Variants in TRPC5 observed in about 807,000 individuals in gnomAD.
The protein encoded by TRPC5 is short transient receptor potential channel 5.
A neutral mutation model predicts 56.5 loss-of-function variants in TRPC5; 9 were observed. The ratio of observed to expected loss-of-function variants is 0.16; its 90% confidence interval spans 0.10 to 0.28. TRPC5 has a LOEUF of 0.28. Among genes scored for constraint, TRPC5 ranks in the 10% least tolerant of loss-of-function variants. The pLI, the probability that TRPC5 is intolerant of heterozygous loss-of-function variation, is 1.00. For synonymous variants in TRPC5, 282 were observed against 278.5 expected, an observed-to-expected ratio of 1.01 and a Z score of -0.13; for missense variants, 469 against 748.9, an observed-to-expected ratio of 0.63 and a Z score of 4.36.
intron 1 of TRPC5, among the ~76,000 whole-genome samples, chrX:112,069,413 G>A (rs1245312132): frequency 9.0e-6 from 1 of 111,607 alleles, no homozygotes; most frequent in African/African-American, 3.3e-5. Context: ...AGCCTCTAAG[G>A]GGAATGCATA....
At chrX:111,953,528 C>A (rs1264922036) in intron 1 of TRPC5, among the ~76,000 whole-genome samples, 1 of 111,812 alleles carries the variant, frequency 8.9e-6, no homozygotes, top group African/African-American at 3.3e-5. Flanking sequence ...GAATGATTAT[C>A]TTCTCCAAGG....
rs185984271 is a variant in TRPC5, at chrX:111,949,982, G to A, written c.378+2061C>T. ...ATCAACAAGTGGATAAAGAAACTGT[G>A]GCATATATATATATATATTTATACA... On this transcript the variant is annotated intron_variant, in intron 2 of 10. Coordinates refer to ENST00000262839, the MANE Select transcript of TRPC5 (RefSeq NM_012471.3). Among the ~76,000 whole-genome samples the A allele has an allele frequency of 1.9e-3, 202 of 108,053 alleles. 1 individual carries two copies. The highest frequency in any genetic ancestry group is 2.0e-3 in the Non-Finnish European group (100 of 51,088). 93.8% of individuals were successfully genotyped at this position (108,053 alleles called of 115,157 possible).
intron 1 of TRPC5, among the ~76,000 whole-genome samples, chrX:112,047,656 A>G (rs1249958763): frequency 8.9e-6 from 1 of 112,337 alleles, no homozygotes; most frequent in African/African-American, 3.2e-5. Context: ...GAATCCTTTC[A>G]TCCTCCAGCA....
chrX:112,018,497 T>C (rs1034055026), intron 1 of TRPC5, among the ~76,000 whole-genome samples: 5 of 112,248 alleles, frequency 4.5e-5, no homozygotes, highest in South Asian at 7.4e-4. Flanking sequence ...TTTACAAATA[T>C]ATTATCTGTA....
intron 3 of TRPC5, among the ~76,000 whole-genome samples, chrX:111,868,437 T>C (rs1038781747): frequency 1.8e-5 from 2 of 112,714 alleles, no homozygotes; most frequent in Non-Finnish European, 3.7e-5. Flanking sequence ...GTCACCTAAC[T>C]GGTTATTTTC....
intron 7 of TRPC5, among the ~76,000 whole-genome samples, chrX:111,811,090 T>G (rs1433811047): frequency 8.9e-6 from 1 of 112,195 alleles, no homozygotes; most frequent in Non-Finnish European, 1.9e-5. Flanking sequence ...GAAGAAGATT[T>G]AAGCCATTTA....
chrX:112,014,004 T>G (rs974624074), intron 1 of TRPC5, among the ~76,000 whole-genome samples: 3 of 111,734 alleles, frequency 2.7e-5, no homozygotes, highest in Non-Finnish European at 5.6e-5. Context: ...CTAAAACCGG[T>G]TCTCAAGCAT....
At chrX:112,075,012 T>C (rs772822871) in intron 1 of TRPC5, among the ~76,000 whole-genome samples, 1 of 112,456 alleles carries the variant, frequency 8.9e-6, no homozygotes, top group African/African-American at 3.2e-5. Flanking sequence ...TACCTACCCA[T>C]CACTACTTCA....
At chrX:111,895,041 T>C (rs1924998558) in intron 3 of TRPC5, among the ~76,000 whole-genome samples, 1 of 111,900 alleles carries the variant, frequency 8.9e-6, no homozygotes, top group African/African-American at 3.2e-5. Flanking sequence ...CGCTCTTTGG[T>C]TATATACTTA....
At chrX:111,998,726 G>A (rs1432952949) in intron 1 of TRPC5, among the ~76,000 whole-genome samples, 1 of 111,473 alleles carries the variant, frequency 9.0e-6, no homozygotes, top group Non-Finnish European at 1.9e-5. Context: ...TAAATATGGG[G>A]TTCCACAGGG....
At chrX:111,782,283 G>A in intron 7 of TRPC5, 145 bp from the exon 8 acceptor site, 2 of 436,986 alleles carry the variant, frequency 4.6e-6, no homozygotes, top group East Asian at 8.1e-5. Context: ...CTGTCACCCA[G>A]TAACCCTACT....
chrX:111,902,869 A>C (rs1406147907), intron 3 of TRPC5: 2 of 112,076 alleles, frequency 1.8e-5, no homozygotes, highest in Non-Finnish European at 3.8e-5. Context: ...CATTGTAGCT[A>C]CTTTGCACTA....
intron 1 of TRPC5, among the ~76,000 whole-genome samples, chrX:112,079,775 T>C (rs775037664): frequency 9.0e-6 from 1 of 111,718 alleles, no homozygotes; most frequent in Non-Finnish European, 1.9e-5. Context: ...CAGGTCTCCA[T>C]GTTGAGATGT....
At chrX:111,986,564 C>T (rs960317126) in intron 1 of TRPC5, among the ~76,000 whole-genome samples, 1 of 110,381 alleles carries the variant, frequency 9.1e-6, no homozygotes, top group African/African-American at 3.3e-5. Flanking sequence ...CAGGGGAGGC[C>T]GTTACACTTT....
intron 2 of TRPC5, among the ~76,000 whole-genome samples, chrX:111,930,336 A>C (rs1460569139): frequency 9.0e-6 from 1 of 111,234 alleles, no homozygotes; most frequent in Non-Finnish European, 1.9e-5. Flanking sequence ...TTGTATTTTA[A>C]GTAGAGATGG....
In TRPC5 at chrX:111,993,754, T is replaced by C. The variant is rs1270308017; in HGVS notation, c.-21-41313A>G. ...GCCCACTTTTTGATGGGGTTGTTTG[T>C]TTTTTTCTGGTAAATTTGTTTGAGT... On this transcript the variant is annotated intron_variant, in intron 1 of 10. Coordinates refer to ENST00000262839, the MANE Select transcript of TRPC5 (RefSeq NM_012471.3). Among the ~76,000 whole-genome samples the C allele has an allele frequency of 3.6e-5, 4 of 112,292 alleles. No homozygotes were observed. The East Asian group carries it at 1.1e-3, about 31-fold the overall frequency.
intron 3 of TRPC5, among the ~76,000 whole-genome samples, chrX:111,873,268 A>G (rs1048658736): frequency 8.9e-6 from 1 of 111,843 alleles, no homozygotes; most frequent in Non-Finnish European, 1.9e-5. Flanking sequence ...CAAATACCAC[A>G]TGTTCTCACT....
At chrX:111,902,559 A>C (rs1390614683) in intron 3 of TRPC5, 1 of 118,451 alleles carries the variant, frequency 8.4e-6, no homozygotes, top group African/African-American at 3.2e-5. Flanking sequence ...TCTCCAATGA[A>C]TGCAAATGAA....
At chrX:111,967,193 A>C (rs1448050739) in intron 1 of TRPC5, among the ~76,000 whole-genome samples, 1 of 111,789 alleles carries the variant, frequency 8.9e-6, no homozygotes, top group East Asian at 2.8e-4. Context: ...TAACAGACAA[A>C]CAGAGAGCCA....
Sources: allele counts gnomAD v4.1 joint callset (sites outside exome capture counted in the v4.1 genomes callset), GRCh38; gene constraint gnomAD v4.1.1; transcripts MANE v1.5; gene names NCBI Gene and HGNC (gene_info 2026-07-23, HGNC 2026-07-21).